The following CFAP44 variants were observed in gnomAD, a reference collection of about 807,000 sequenced individuals.
CFAP44 encodes cilia and flagella associated protein 44.
A neutral mutation model predicts 216.2 loss-of-function variants in CFAP44; 134 were observed. The ratio of observed to expected loss-of-function variants is 0.62; its 90% CI spans 0.54 to 0.72. CFAP44 has a LOEUF of 0.72. Ranked by LOEUF, CFAP44 falls within the 30% of genes least tolerant of loss-of-function variation. The probability of loss-of-function intolerance (pLI) is 0.00; values close to 1 mark genes in which losing one functional copy is unlikely to be tolerated. For synonymous variants in CFAP44, 700 were observed against 727.6 expected (o/e 0.96, Z 0.61); for missense variants, 2,035 against 2,182.1 (o/e 0.93, Z 1.34).
At chr3:113,334,917 T>A (rs985724922) in intron 24 of CFAP44, among the ~76,000 whole-genome samples, 2 of 152,222 alleles carry the variant, frequency 1.3e-5, no homozygotes, top group African/African-American at 4.8e-5. Flanking sequence ...CTAGCCAACA[T>A]GAGCGTGTAC....
intron 33 of CFAP44, 46 bp downstream of exon 33, chr3:113,296,678 GC>G: frequency 1.3e-6 from 2 of 1,521,830 alleles, no homozygotes; most frequent in South Asian, 2.4e-5. Context: ...GGGATTTCTT[GC>G]CTCCAGCCAG....
intron 13 of CFAP44, 28 bp downstream of exon 13, chr3:113,399,878 T>C (rs763076780): frequency 6.8e-7 from 1 of 1,475,308 alleles, no homozygotes; most frequent in Admixed American, 2.1e-5. Flanking sequence ...CAATAGATTC[T>C]GGTAGTTCAT....
intron 24 of CFAP44, among the ~76,000 whole-genome samples, chr3:113,335,820 A>G (rs769759057): frequency 6.6e-6 from 1 of 152,232 alleles, no homozygotes; most frequent in Non-Finnish European, 1.5e-5. Flanking sequence ...TTTTACGTAG[A>G]TAGACTGTAT....
intron 22 of CFAP44, among the ~76,000 whole-genome samples, chr3:113,347,185 T>C (rs1184063872): frequency 1.3e-5 from 2 of 152,186 alleles, no homozygotes; most frequent in African/African-American, 2.4e-5. Flanking sequence ...GGTGTCAGGC[T>C]TTCTGGGAAA....
chr3:113,352,368 C>T (rs1950453398), intron 22 of CFAP44, among the ~76,000 whole-genome samples: 1 of 152,202 alleles, frequency 6.6e-6, no homozygotes, highest in African/African-American at 2.4e-5. Context: ...CACAATAAAT[C>T]TTGCTGCTGC....
intron 8 of CFAP44, among the ~76,000 whole-genome samples, 156 bp downstream of exon 8, chr3:113,406,771 T>C (rs1041684728): frequency 6.6e-5 from 10 of 152,214 alleles, no homozygotes. Context: ...AATATTTTAA[T>C]TACAATTGAT....
At chr3:113,400,479 T>C (rs935202488) in intron 12 of CFAP44, 66 bp downstream of exon 12, 4 of 1,367,206 alleles carry the variant, frequency 2.9e-6, no homozygotes, top group Admixed American at 5.4e-5. Context: ...CAAACACATA[T>C]AAAAATTTTA....
At chr3:113,371,889 C>A (rs1002292679) in intron 18 of CFAP44, among the ~76,000 whole-genome samples, 3 of 151,822 alleles carry the variant, frequency 2.0e-5, no homozygotes, top group Non-Finnish European at 4.4e-5. Context: ...AGGAAAAAAA[C>A]AAATAATCCC....
At chr3:113,309,550 C>A (rs1386231929) in intron 28 of CFAP44, among the ~76,000 whole-genome samples, 1 of 152,068 alleles carries the variant, frequency 6.6e-6, no homozygotes, top group Non-Finnish European at 1.5e-5. Context: ...TATTTCTGAA[C>A]ACAAAAATAC....
chr3:113,424,234 G>A lies in CFAP44; in HGVS notation c.407+1890C>T, dbSNP rs953636506. On this transcript the variant is annotated intron_variant, in intron 4 of 34. Transcript: ENST00000393845. Reference sequence around the variant, plus strand: ...GGGCAGATCACGAGGTCAGGAGTTCGAGACCAGCCTGGCCATTATGGTGAA... The same window carrying A: ...GGGCAGATCACGAGGTCAGGAGTTCAAGACCAGCCTGGCCATTATGGTGAA... 4.6e-5 allele frequency among the ~76,000 whole-genome samples: 7 copies of A among 152,146 alleles called. No individual in the cohort carries two copies. The South Asian group carries it at 6.2e-4, about 14-fold the overall frequency.
chr3:113,292,922 A>G (rs985013357), intron 34 of CFAP44, among the ~76,000 whole-genome samples: 14 of 152,336 alleles, frequency 9.2e-5, no homozygotes, highest in Admixed American at 3.3e-4. Flanking sequence ...AGGCTGGTGC[A>G]TGGATGTGAA....
intron 22 of CFAP44, among the ~76,000 whole-genome samples, chr3:113,346,836 G>C (rs1409205501): frequency 6.6e-6 from 1 of 152,188 alleles, no homozygotes. Flanking sequence ...CAAACCACTC[G>C]GGTCCCCTTC....
chr3:113,347,841 AAAGTCCCG>A (rs1950402259), intron 22 of CFAP44, among the ~76,000 whole-genome samples: 2 of 152,178 alleles, frequency 1.3e-5, no homozygotes, highest in Non-Finnish European at 2.9e-5. Flanking sequence ...GGACAGGGGT[AAAGTCCCG>A]ATACTAACAG....
At chr3:113,301,927 T>C (rs11916188) in intron 32 of CFAP44, among the ~76,000 whole-genome samples, 5,111 of 152,296 alleles carry the variant, frequency 0.034, 264 homozygotes, top group African/African-American at 0.11. Context: ...CCCCAAACTG[T>C]ACCCCAGCCC....
At position 113,304,084 on chromosome 3, in the gene CFAP44, C is replaced by T. The variant is rs557730278; in HGVS notation, c.4909G>A (p.Asp1637Asn). ...GAGAAGACCAAAGTACCAGAAAGATCGCTAGGTATTTCTCCAAATACCACA... is the reference window on the plus strand; with the variant it reads ...GAGAAGACCAAAGTACCAGAAAGATTGCTAGGTATTTCTCCAAATACCACA... ...EYVVFGEIPS[D>N]LSGTLVFSNH... Residue 1637 changes from aspartate to asparagine, a missense_variant, in exon 32 of 35, where the codon GAT (aspartate) becomes AAT (asparagine). Coordinates refer to ENST00000393845, the MANE Select transcript of CFAP44 (RefSeq NM_001164496.2). 27 of 1,537,178 alleles carry T rather than the reference C, an allele frequency of 1.8e-5. No individual in the cohort carries two copies. The East Asian group carries it at 2.4e-4, about 14-fold the overall frequency.
intron 15 of CFAP44, among the ~76,000 whole-genome samples, chr3:113,389,944 T>C (rs981191345): frequency 6.6e-6 from 1 of 152,014 alleles, no homozygotes; most frequent in African/African-American, 2.4e-5. Context: ...ATACCAATCA[T>C]GCTCAAACTA....
chr3:113,371,918 G>A (rs900392989), intron 18 of CFAP44, among the ~76,000 whole-genome samples: 1 of 152,106 alleles, frequency 6.6e-6, no homozygotes, highest in Non-Finnish European at 1.5e-5. Context: ...GTGGGCAAAG[G>A]ATATGAACAG....
At position 113,401,786 on chromosome 3, in the gene CFAP44, A is replaced by G. The variant is rs773311704; in HGVS notation, c.1171-47T>C. On this transcript the variant is annotated intron_variant, in intron 9 of 34. Transcript: ENST00000393845. ...ACTTTAATCGATCAGTAGTTTCTGA[A>G]CATTTATTTTCTAAGCCAGAAAAAC... 2.6e-6 allele frequency: 4 copies of G among 1,530,722 alleles called. No homozygotes were observed. In the Admixed American group the frequency reaches 9.1e-5, roughly 35 times the overall value. 94.8% of individuals were successfully genotyped at this position (1,530,722 alleles called of 1,614,324 possible).
intron 21 of CFAP44, among the ~76,000 whole-genome samples, chr3:113,362,362 G>C (rs936046364): frequency 1.3e-5 from 2 of 152,152 alleles, no homozygotes; most frequent in African/African-American, 4.8e-5. Flanking sequence ...TCTGCTGGTA[G>C]TAGCAGGCAT....
Sources: gnomAD v4.1 joint callset for allele counts (sites outside exome capture counted in the v4.1 genomes callset) on GRCh38, gnomAD v4.1.1 for gene constraint, MANE v1.5 for transcripts, NCBI Gene and HGNC (gene_info 2026-07-23, HGNC 2026-07-21) for gene names.